The following ERCC6 variants were observed in gnomAD, a reference collection of about 807,000 sequenced individuals.
The protein encoded by ERCC6 is ERCC excision repair 6, chromatin remodeling factor.
ERCC6 carries 116 observed loss-of-function variants against 158.7 expected under a neutral mutation model. The observed-to-expected ratio is 0.73, with a 90% CI of 0.63 to 0.85. ERCC6 has a LOEUF of 0.85. Ranked by LOEUF, ERCC6 falls within the 40% of genes least tolerant of loss-of-function variation. The pLI, the probability that ERCC6 is intolerant of heterozygous loss-of-function variation, is 0.00. For synonymous variants in ERCC6, 678 were observed against 659.3 expected (o/e 1.03, Z -0.43); for missense variants, 1,698 against 1,799.4 (o/e 0.94, Z 1.02).
At chr10:49,444,268 G>A in the ERCC6 span, among the ~76,000 whole-genome samples, 4 of 152,126 alleles carry the variant, frequency 2.6e-5, no homozygotes, top group Admixed American at 2.0e-4. Flanking sequence ...ACTGAGACTC[G>A]CTCCTGGACA....
chr10:49,479,292 AATG>A (rs1367753490), intron 10 of ERCC6, among the ~76,000 whole-genome samples: 4 of 152,206 alleles, frequency 2.6e-5, no homozygotes, highest in African/African-American at 9.6e-5. Flanking sequence ...CTGTAAAATG[AATG>A]ATAATAAAAA....
chr10:49,449,337 TA>T (rs1477366500), downstream of ERCC6, among the ~76,000 whole-genome samples: 1 of 152,218 alleles, frequency 6.6e-6, no homozygotes, highest in African/African-American at 2.4e-5. Flanking sequence ...CTTTATTAGA[TA>T]TGATTCACAA....
Position 49,470,339 on chromosome 10 carries a change from C to T in ERCC6, c.3621G>A (p.Lys1207=), listed in dbSNP as rs1850751653. 3.1e-6 allele frequency: 5 copies of T among 1,614,190 alleles called. No individual in the cohort carries two copies. In the South Asian group the frequency reaches 5.5e-5, roughly 18 times the overall value. The change falls in exon 18 of 21, where the codon AAG becomes AAA. Residue 1207 remains lysine (K), a synonymous_variant. Coordinates refer to ENST00000355832, the MANE Select transcript of ERCC6 (RefSeq NM_000124.4). ...EKHLRPKQKP[K]NSKHCRDAKF... The stretch of plus-strand genomic sequence containing the variant: ...TGGCGTCTCTGCAATGCTTAGAGTT[C>T]TTAGGCTTTTGCTTTGGTCTCAGAT...
At position 49,472,483 on chromosome 10, in the gene ERCC6, G is replaced by A; in HGVS notation, c.2830-13C>T. 6.2e-7 allele frequency: 1 copy of A among 1,613,098 alleles called. No homozygotes were observed. The highest frequency in any genetic ancestry group is 2.2e-5 in the East Asian group (1 of 44,882). On this transcript the variant is annotated splice_polypyrimidine_tract_variant and intron_variant, in intron 15 of 20. Coordinates refer to ENST00000355832, the MANE Select transcript of ERCC6 (RefSeq NM_000124.4). ...CTCGCTCCCGGGCCTGCAACAGAGA[G>A]AGAGAGACCTCTCAACGAGAATCCT... is the stretch of plus-strand genomic sequence containing the variant.
intron 12 of ERCC6, chr10:49,475,600 G>A (rs373471715): frequency 2.0e-5 from 5 of 247,442 alleles, no homozygotes; most frequent in Non-Finnish European, 4.0e-5. Flanking sequence ...GAGTCTTTTG[G>A]AGAAGACACT....
chr10:49,461,980 A>T (rs942333695), intron 18 of ERCC6, among the ~76,000 whole-genome samples: 45 of 152,218 alleles, frequency 3.0e-4, no homozygotes, highest in African/African-American at 8.7e-4. Context: ...ATTTTCCCTG[A>T]GTTAATTTAT....
chr10:49,535,320 T>C (rs183684760), intron 1 of ERCC6, among the ~76,000 whole-genome samples: 2 of 152,330 alleles, frequency 1.3e-5, no homozygotes, highest in East Asian at 1.9e-4. Flanking sequence ...CTGGGTGACA[T>C]GTGGACACAT....
chr10:49,500,429 T>C (rs1176310176), intron 7 of ERCC6, 109 bp downstream of exon 7: 9 of 1,304,496 alleles, frequency 6.9e-6, no homozygotes, highest in South Asian at 1.2e-5. Context: ...TAAAGGAATA[T>C]TGTAATTGAA....
At chr10:49,473,739 G>A (rs188171129) in intron 13 of ERCC6, 152 bp from the exon 14 acceptor site, 92 of 700,296 alleles carry the variant, frequency 1.3e-4, no homozygotes, top group Non-Finnish European at 2.2e-4. Flanking sequence ...TGTTAAAAGA[G>A]TATTTTTGGT....
At chr10:49,472,336 T>G in intron 16 of ERCC6, 40 bp downstream of exon 16, 1 of 1,560,680 alleles carries the variant, frequency 6.4e-7, no homozygotes, top group Non-Finnish European at 8.8e-7. Flanking sequence ...CTCAAGACTC[T>G]GGGAACGCAC....
chr10:49,522,898 A>T (rs1837207093), intron 5 of ERCC6, among the ~76,000 whole-genome samples: 1 of 152,222 alleles, frequency 6.6e-6, no homozygotes, highest in African/African-American at 2.4e-5. Context: ...AGGTGCTACT[A>T]GAATGTGAGT....
rs933616772 is a variant in ERCC6, at chr10:49,487,729, C to T, written c.1822-4213G>A. On this transcript the variant is annotated intron_variant, in intron 8 of 20. Transcript: ENST00000355832. ...CTGGAATGATGTTTAGTTTCTTATG[C>T]TTGCTTAAGGATTGAAATTTATCTG... Among the ~76,000 whole-genome samples the T allele has an allele frequency of 7.9e-5, 12 of 152,080 alleles. No homozygotes were observed. The East Asian group carries it at 2.3e-3, about 29-fold the overall frequency.
At chr10:49,521,627 T>C (rs1224586699) in intron 5 of ERCC6, among the ~76,000 whole-genome samples, 5 of 152,224 alleles carry the variant, frequency 3.3e-5, no homozygotes, top group Non-Finnish European at 7.3e-5. Flanking sequence ...TCATCCATCC[T>C]GTATGACATG....
At chr10:49,534,133 CAAAAAAAAAAAAA>C (rs746772551) in intron 1 of ERCC6, among the ~76,000 whole-genome samples, 2 of 60,320 alleles carry the variant, frequency 3.3e-5, no homozygotes, top group South Asian at 1.5e-3. Context: ...GACTCAATCT[CAAAAAAAAAAAAA>C]AAAAAAAACA....
chr10:49,447,604 C>T, the ERCC6 span, among the ~76,000 whole-genome samples: 8 of 151,528 alleles, frequency 5.3e-5, no homozygotes, highest in East Asian at 7.8e-4. Flanking sequence ...GGCAGGAGGC[C>T]GAGGCAGGAG....
chr10:49,459,231 C>T lies in ERCC6; in HGVS notation c.4066G>A (p.Gly1356Ser), dbSNP rs574272317. The part of the protein sequence containing the change: ...STSPTEKCQD[G>S]IMKKEGKDNV... ...TCTTTTCCCTCCTTTTTCATGATGCCATCCTATAAAAAGAAGACCACTATA... is the reference window on the plus strand; with the variant it reads ...TCTTTTCCCTCCTTTTTCATGATGCTATCCTATAAAAAGAAGACCACTATA... Residue 1356 changes from glycine to serine, a missense_variant, in exon 21 of 21, where the codon GGC (glycine) becomes AGC (serine). Physicochemically the swap from Gly to Ser is moderately conservative, Grantham distance 56 (BLOSUM62 0). Coordinates refer to ENST00000355832, the MANE Select transcript of ERCC6 (RefSeq NM_000124.4). 5.9e-5 allele frequency: 95 copies of T among 1,613,830 alleles called. No individual in the cohort carries two copies. The South Asian group carries it at 9.2e-4, about 16-fold the overall frequency.
At position 49,510,410 on chromosome 10, in the gene ERCC6, C is replaced by T. The variant is rs560700747; in HGVS notation, c.1398-4398G>A. ...ATTCCTGTACTGTCCCCAAATCCTT[C>T]CCCTTACATATCCACACATTCAGCA... On this transcript the variant is annotated intron_variant, in intron 5 of 20. Transcript: ENST00000355832. 9.2e-5 allele frequency among the ~76,000 whole-genome samples: 14 copies of T among 152,218 alleles called. No individual in the cohort carries two copies. In the East Asian group the frequency reaches 2.7e-3, roughly 29 times the overall value.
chr10:49,517,298 T>C (rs1837008499), intron 5 of ERCC6, among the ~76,000 whole-genome samples: 1 of 152,190 alleles, frequency 6.6e-6, no homozygotes, highest in Admixed American at 6.5e-5. Flanking sequence ...AAATTACTAG[T>C]ATAGGATGTA....
At chr10:49,440,380 T>C in the ERCC6 span, among the ~76,000 whole-genome samples, 1 of 152,126 alleles carries the variant, frequency 6.6e-6, no homozygotes, top group African/African-American at 2.4e-5. Flanking sequence ...GAGAATAGCA[T>C]GGGAAAGACC....
Sources: allele counts gnomAD v4.1 joint callset (sites outside exome capture counted in the v4.1 genomes callset), GRCh38; gene constraint gnomAD v4.1.1; transcripts MANE v1.5; gene names NCBI Gene and HGNC (gene_info 2026-07-23, HGNC 2026-07-21).